GPR39: variants seen among roughly 807,000 people sequenced by gnomAD.
GPR39 encodes zinc sensing receptor.
Under a neutral mutation model 18.4 loss-of-function variants are expected in GPR39, and 23 were observed. That is an observed-to-expected ratio of 1.25 (90% CI 0.90 to 1.77). The LOEUF (loss-of-function observed/expected upper bound fraction) is 1.77. GPR39 is among the 40% of genes most tolerant of loss of function. The pLI is 0.00. For missense variants in GPR39, 647 were observed against 602.4 expected (o/e 1.07, Z -0.78); for synonymous variants, 280 against 257.9 (o/e 1.09, Z -0.82).
intron 1 of GPR39, among the ~76,000 whole-genome samples, chr2:132,438,672 C>T (rs931722349): frequency 7.2e-5 from 10 of 138,064 alleles, no homozygotes; most frequent in African/African-American, 2.4e-4. Flanking sequence ...AAAATATTTA[C>T]TATCTGGCCC....
At chr2:132,543,614 T>C (rs1224703655) in intron 1 of GPR39, among the ~76,000 whole-genome samples, 1 of 152,180 alleles carries the variant, frequency 6.6e-6, no homozygotes, top group African/African-American at 2.4e-5. Context: ...GAAACCTATT[T>C]GTTTAAGTGC....
intron 1 of GPR39, among the ~76,000 whole-genome samples, chr2:132,442,764 C>T (rs1203984097): frequency 6.6e-6 from 1 of 152,044 alleles, no homozygotes. Context: ...TTCCTTGCTG[C>T]TTTTTTTTCT....
chr2:132,447,946 G>A (rs918351255), intron 1 of GPR39, among the ~76,000 whole-genome samples: 1 of 152,146 alleles, frequency 6.6e-6, no homozygotes, highest in African/African-American at 2.4e-5. Context: ...TGGTGTCTTG[G>A]AACAGGGCAA....
intron 1 of GPR39, among the ~76,000 whole-genome samples, chr2:132,465,865 G>GT (rs1680918984): frequency 2.0e-5 from 3 of 152,160 alleles, no homozygotes; most frequent in Non-Finnish European, 2.9e-5. Flanking sequence ...TGTATATAAT[G>GT]TATCTGAACT....
chr2:132,493,878 G>A (rs114423723), intron 1 of GPR39, among the ~76,000 whole-genome samples: 2,800 of 152,060 alleles, frequency 0.018, 98 homozygotes, highest in African/African-American at 0.063. Context: ...TCAAGTGAGC[G>A]GAGCAGAGGG....
intron 1 of GPR39, among the ~76,000 whole-genome samples, chr2:132,637,159 C>T (rs1209274172): frequency 6.6e-6 from 1 of 152,250 alleles, no homozygotes; most frequent in Non-Finnish European, 1.5e-5. Context: ...CACTAAACCA[C>T]AATGATGACC....
At chr2:132,475,268 G>T (rs1206651445) in intron 1 of GPR39, among the ~76,000 whole-genome samples, 1 of 151,360 alleles carries the variant, frequency 6.6e-6, no homozygotes, top group Non-Finnish European at 1.5e-5. Flanking sequence ...AACACTGCTA[G>T]TATGTGTTAG....
intron 1 of GPR39, among the ~76,000 whole-genome samples, chr2:132,575,582 A>C (rs1422297657): frequency 6.6e-6 from 1 of 152,186 alleles, no homozygotes. Context: ...TGTATGAGGG[A>C]CACAGTTTTC....
At chr2:132,620,547 C>A (rs911225104) in intron 1 of GPR39, among the ~76,000 whole-genome samples, 20 of 152,150 alleles carry the variant, frequency 1.3e-4, no homozygotes, top group African/African-American at 4.1e-4. Flanking sequence ...CTCCTTCCCC[C>A]CTGCGTGGCT....
chr2:132,451,734 T>C (rs546938289), intron 1 of GPR39, among the ~76,000 whole-genome samples: 4 of 152,336 alleles, frequency 2.6e-5, no homozygotes, highest in Non-Finnish European at 5.9e-5. Context: ...ATGATATCTT[T>C]TGACTTCTTA....
intron 1 of GPR39, among the ~76,000 whole-genome samples, chr2:132,532,579 T>C (rs961702382): frequency 1.3e-5 from 2 of 152,292 alleles, no homozygotes; most frequent in Admixed American, 1.3e-4. Flanking sequence ...TGATGAACAT[T>C]GATGCAAACA....
chr2:132,574,740 G>A (rs4375924), intron 1 of GPR39, among the ~76,000 whole-genome samples: 22,630 of 152,160 alleles, frequency 0.15, 5,466 homozygotes, highest in African/African-American at 0.51. Flanking sequence ...GTCGCTAAAT[G>A]AATAAATGTT....
chr2:132,632,782 T>C (rs1681673717), intron 1 of GPR39, among the ~76,000 whole-genome samples: 1 of 152,186 alleles, frequency 6.6e-6, no homozygotes. Flanking sequence ...ATGTACTATA[T>C]TAATTTTAGC....
chr2:132,440,241 C>T (rs186949172), intron 1 of GPR39, among the ~76,000 whole-genome samples: 193 of 152,218 alleles, frequency 1.3e-3, no homozygotes, highest in Non-Finnish European at 1.9e-3. Flanking sequence ...GGCCAGTGGC[C>T]GTTTTCTAGC....
intron 1 of GPR39, among the ~76,000 whole-genome samples, chr2:132,452,449 A>G (rs373955575): frequency 3.3e-5 from 5 of 151,560 alleles, no homozygotes; most frequent in Admixed American, 2.0e-4. Context: ...ACTTTTTTCA[A>G]TCACTGTTCT....
intron 1 of GPR39, among the ~76,000 whole-genome samples, chr2:132,455,135 A>G (rs1680697950): frequency 6.6e-6 from 1 of 152,142 alleles, no homozygotes; most frequent in African/African-American, 2.4e-5. Context: ...TTGGTAGGCT[A>G]TTAATTATTG....
chr2:132,630,163 C>T (rs1033746415), intron 1 of GPR39, among the ~76,000 whole-genome samples: 17 of 152,068 alleles, frequency 1.1e-4, no homozygotes, highest in Admixed American at 2.0e-4. Context: ...GCTCACATGG[C>T]GGTGCAAAGA....
intron 1 of GPR39, among the ~76,000 whole-genome samples, chr2:132,533,133 A>G (rs75191968): frequency 0.54 from 81,532 of 151,842 alleles, 22,948 homozygotes; most frequent in East Asian, 0.9. Flanking sequence ...AAGCTGATAA[A>G]CAACTCAGCG....
rs554437408 is a variant in GPR39 at position 132,466,021 on chromosome 2, T to A, written c.856+48123T>A. Among the ~76,000 whole-genome samples the A allele has an allele frequency of 7.8e-4, 119 of 152,346 alleles. No individual in the cohort carries two copies. In the Middle Eastern group the frequency reaches 0.01, roughly 13 times the overall value. ...TAATGAGAAAAAAGAGGATTTTTTT[T>A]AAAAGCTTAAAGCCTATTTTCTTTC... On this transcript the variant is annotated intron_variant, in intron 1 of 1. Transcript: ENST00000329321.
Sources: gnomAD v4.1 joint callset for allele counts (sites outside exome capture counted in the v4.1 genomes callset) on GRCh38, gnomAD v4.1.1 for gene constraint, MANE v1.5 for transcripts, NCBI Gene and HGNC (gene_info 2026-07-23, HGNC 2026-07-21) for gene names.